Variants in SERPINA10 observed in about 807,000 individuals in gnomAD.
SERPINA10 encodes the protein serpin family A member 10.
In SERPINA10, 24 loss-of-function variants were observed where a neutral mutation model predicts 28.0. The observed-to-expected ratio is 0.86, with a 90% CI of 0.62 to 1.20. The LOEUF (loss-of-function observed/expected upper bound fraction) is 1.20. Among genes scored for constraint, SERPINA10 ranks in the 50% most tolerant of loss-of-function variants. The pLI is 0.00. For synonymous variants in SERPINA10, 207 were observed against 203.9 expected (o/e 1.02, Z -0.13); for missense variants, 521 against 537.7 (o/e 0.97, Z 0.31).
At position 94,292,914 on chromosome 14, in the gene SERPINA10, G is replaced by A. The variant is rs148610025; in HGVS notation, c.-51+275C>T. On this transcript the variant is annotated intron_variant, in intron 1 of 4. Transcript: ENST00000261994. ...TGGGAAGGGGAGACCTGCTTACTCCGGCAGTGAGTGGTGGTGGGTGAAATA... is the reference window on the plus strand; with the variant it reads ...TGGGAAGGGGAGACCTGCTTACTCCAGCAGTGAGTGGTGGTGGGTGAAATA... 32 of 521,314 alleles carry A rather than the reference G, an allele frequency of 6.1e-5. 1 individual carries two copies. The highest frequency in any genetic ancestry group is 1.5e-4 in the African/African-American group (8 of 52,942). 32.3% of individuals were successfully genotyped at this position (521,314 alleles called of 1,614,324 possible).
At chr14:94,285,516 TACAC>T (rs1000652686) in intron 4 of SERPINA10, among the ~76,000 whole-genome samples, 5 of 151,376 alleles carry the variant, frequency 3.3e-5, no homozygotes, top group African/African-American at 4.8e-5. Flanking sequence ...TATATATATA[TACAC>T]ACACACATAT....
chr14:94,285,500 T>G (rs1894997819), intron 4 of SERPINA10, among the ~76,000 whole-genome samples: 2 of 150,916 alleles, frequency 1.3e-5, no homozygotes, highest in East Asian at 4.0e-4. Flanking sequence ...TATATATATG[T>G]GTGTGTATAT....
At chr14:94,285,751 G>A (rs1265125324) in intron 4 of SERPINA10, among the ~76,000 whole-genome samples, 1 of 152,004 alleles carries the variant, frequency 6.6e-6, no homozygotes, top group Non-Finnish European at 1.5e-5. Context: ...GCTAGATGAT[G>A]TCTAGGGGTT....
intron 3 of SERPINA10, among the ~76,000 whole-genome samples, chr14:94,286,676 TC>T (rs1895033021): frequency 6.6e-6 from 1 of 152,204 alleles, no homozygotes; most frequent in African/African-American, 2.4e-5. Context: ...CCCCTACCCG[TC>T]TTTAGCCAGA....
chr14:94,291,185 T>C (rs996874372), intron 1 of SERPINA10, among the ~76,000 whole-genome samples: 1 of 152,222 alleles, frequency 6.6e-6, no homozygotes, highest in African/African-American at 2.4e-5. Flanking sequence ...AAATTCTCTT[T>C]GCACTGCACC....
intron 1 of SERPINA10, chr14:94,292,879 C>A: frequency 1.8e-6 from 1 of 544,352 alleles, no homozygotes. Context: ...TCCCTGCCTC[C>A]CCTCAGCCCT....
Position 94,288,477 on chromosome 14 carries a change from G to A in SERPINA10, c.801C>T (p.Pro267=), listed in dbSNP as rs370076081. 17 of 1,614,014 alleles carry A rather than the reference G, an allele frequency of 1.1e-5. No individual in the cohort carries two copies. The highest frequency in any genetic ancestry group is 1.4e-5 in the Non-Finnish European group (16 of 1,180,016). Reference sequence around the variant, plus strand: ...CAAACTTGCCTGCACCGTACATCATGGGCACCTTAATGGTCTTGTACTTGT... The same window carrying A: ...CAAACTTGCCTGCACCGTACATCATAGGCACCTTAATGGTCTTGTACTTGT... The part of the protein sequence containing the change: ...HLDKYKTIKV[P]MMYGAGKFAS... The change falls in exon 3 of 5, where the codon CCC becomes CCT. Residue 267 remains proline, a synonymous_variant. Transcript: ENST00000261994.
chr14:94,286,326 A>G, intron 3 of SERPINA10, 68 bp from the exon 4 acceptor site: 1 of 1,566,524 alleles, frequency 6.4e-7, no homozygotes, highest in East Asian at 2.2e-5. Context: ...CAAAAAGGTC[A>G]CAATTTTTGT....
chr14:94,281,600 G>A lies in SERPINA10; in HGVS notation c.*2365C>T, dbSNP rs1047661084. On this transcript the variant is annotated 3_prime_UTR_variant, in exon 5 of 5. Coordinates refer to ENST00000261994, the MANE Select transcript of SERPINA10 (RefSeq NM_001100607.3). ...GTCTGCGTTTTTCTGTCATGCCTGT[G>A]TACTTGGGAAATCTGAAACTGAGTG... The A allele has an allele frequency of 6.6e-6, 1 of 152,154 alleles. No homozygotes were observed. Among genetic ancestry groups the A allele is most frequent in the Admixed American group, 6.5e-5 (1 of 15,270 alleles). 9.4% of individuals were successfully genotyped at this position (152,154 alleles called of 1,614,324 possible). A position where few individuals can be genotyped will look rare whatever the true frequency, so the allele number is the denominator to read the frequency against.
intron 1 of SERPINA10, among the ~76,000 whole-genome samples, chr14:94,292,061 T>C (rs778820438): frequency 6.6e-6 from 1 of 152,236 alleles, no homozygotes; most frequent in Non-Finnish European, 1.5e-5. Flanking sequence ...GTTGGGTAAA[T>C]AGCTCTTTCA....
chr14:94,286,964 C>T (rs1190581648), intron 3 of SERPINA10, among the ~76,000 whole-genome samples: 4 of 152,130 alleles, frequency 2.6e-5, no homozygotes, highest in African/African-American at 9.7e-5. Flanking sequence ...CCTTTAGCTG[C>T]ACTTGTCTGC....
Position 94,288,498 on chromosome 14 carries a change from CT to C in SERPINA10, c.779del (p.Lys260SerfsTer9). ...FTEVDTFHLD[K>X]YKTIKVPMMY... ...TCATGGGCACCTTAATGGTCTTGTA[CT>C]TGTCCAGGTGGAAAGTGTCGACTTC... On this transcript the variant is annotated frameshift_variant, in exon 3 of 5. Transcript: ENST00000261994. LOFTEE classifies it high-confidence loss of function. The C allele has an allele frequency of 6.2e-7, 1 of 1,614,188 alleles. No homozygotes were observed. The highest frequency in any genetic ancestry group is 8.5e-7 in the Non-Finnish European group (1 of 1,180,040).
intron 4 of SERPINA10, among the ~76,000 whole-genome samples, chr14:94,284,570 G>A (rs751539569): frequency 6.6e-6 from 1 of 152,184 alleles, no homozygotes; most frequent in Admixed American, 6.5e-5. Context: ...TGGCAGGCAA[G>A]GTGGAGGCAG....
At chr14:94,287,893 C>T (rs185458601) in intron 3 of SERPINA10, among the ~76,000 whole-genome samples, 15 of 152,364 alleles carry the variant, frequency 9.8e-5, no homozygotes, top group Admixed American at 5.2e-4. Context: ...GAGGCCTTGT[C>T]TAACCTCCAT....
rs1214019780 is a variant in SERPINA10 at position 94,281,660 on chromosome 14, A to G, written c.*2305T>C. ...CTTCTTAAAGCAAATGTGAGGGAAC[A>G]TTAAAAAGTATATTTAAAATATAGA... On this transcript the variant is annotated 3_prime_UTR_variant, in exon 5 of 5. Transcript: ENST00000261994. The G allele has an allele frequency of 6.6e-6, 1 of 152,214 alleles. No individual in the cohort carries two copies. Among genetic ancestry groups the G allele is most frequent in the Admixed American group, 6.5e-5 (1 of 15,284 alleles). The allele number at this position is 152,214 out of a possible 1,614,324, so 9.4% of individuals were successfully genotyped here. A position where few individuals can be genotyped will look rare whatever the true frequency, so the allele number is the denominator to read the frequency against.
In SERPINA10 at chr14:94,281,574, G is replaced by A. The variant is rs904419724; in HGVS notation, c.*2391C>T. On this transcript the variant is annotated 3_prime_UTR_variant, in exon 5 of 5. Transcript: ENST00000261994. ...TGTAAGGTAAGTTACATTTTTTATT[G>A]GTCTGCGTTTTTCTGTCATGCCTGT... 1 of 152,176 alleles carries A rather than the reference G, an allele frequency of 6.6e-6. No individual in the cohort carries two copies. The highest frequency in any genetic ancestry group is 2.1e-4 in the South Asian group (1 of 4,828). 9.4% of individuals were successfully genotyped at this position (152,176 alleles called of 1,614,324 possible). A position where few individuals can be genotyped will look rare whatever the true frequency, so the allele number is the denominator to read the frequency against.
At chr14:94,289,355 C>T (rs758815524) in intron 2 of SERPINA10, among the ~76,000 whole-genome samples, 1 of 152,206 alleles carries the variant, frequency 6.6e-6, no homozygotes, top group Non-Finnish European at 1.5e-5. Flanking sequence ...AAGGAGACAA[C>T]TCCTGCTCTA....
Position 94,290,502 on chromosome 14 carries a change from G to A in SERPINA10, c.92C>T (p.Thr31Ile), listed in dbSNP as rs373532870. ...GLAPSPQSPE[T>I]PAPQNQTSRV... ...GCTGGTCTGGTTCTGAGGGGCTGGG[G>A]TCTCTGGCGACTGAGGACTGGGGGC... Residue 31 changes from threonine (T) to isoleucine (I), a missense_variant, in exon 2 of 5, where the codon ACC becomes ATC. Transcript: ENST00000261994. The A allele has an allele frequency of 6.2e-6, 10 of 1,613,354 alleles. No individual in the cohort carries two copies. The African/African-American group carries it at 8.0e-5, about 13-fold the overall frequency.
At chr14:94,291,162 G>A (rs12886449) in intron 1 of SERPINA10, among the ~76,000 whole-genome samples, 19,268 of 152,188 alleles carry the variant, frequency 0.13, 1,359 homozygotes, top group Admixed American at 0.21. Flanking sequence ...GAGCTTTCCT[G>A]GATTTTTTAT....
Sources: gnomAD v4.1 joint callset for allele counts (sites outside exome capture counted in the v4.1 genomes callset) on GRCh38, gnomAD v4.1.1 for gene constraint, MANE v1.5 for transcripts, NCBI Gene and HGNC (gene_info 2026-07-23, HGNC 2026-07-21) for gene names.